Variants in GALNT5 observed in about 807,000 individuals in gnomAD.
GALNT5 encodes polypeptide N-acetylgalactosaminyltransferase 5.
Under a neutral mutation model 85.4 loss-of-function variants are expected in GALNT5, and 72 were observed. The observed-to-expected ratio is 0.84, with a 90% confidence interval of 0.70 to 1.03. The LOEUF is 1.03. Among genes scored for constraint, GALNT5 ranks in the 50% least tolerant of loss-of-function variants. GALNT5 has a pLI of 0.00. For missense variants in GALNT5, 1,137 were observed against 1,135.5 expected, an observed-to-expected ratio of 1.00 and a Z score of -0.02; for synonymous variants, 404 against 397.0, an observed-to-expected ratio of 1.02 and a Z score of -0.21.
In GALNT5 at chr2:157,311,631, G is replaced by GTAAC; in HGVS notation, c.*285_*288dup. On this transcript the variant is annotated 3_prime_UTR_variant, in exon 10 of 10. Coordinates refer to ENST00000259056, the MANE Select transcript of GALNT5 (RefSeq NM_014568.3). ...CAAATTTCCCTGTGAAAGCTAACAG[G>GTAAC]TAACTGGAAATGAAGACAGAAGGAC... 1 of 236,350 alleles carries GTAAC rather than the reference G, an allele frequency of 4.2e-6. No homozygotes were observed. 14.6% of individuals were successfully genotyped at this position (236,350 alleles called of 1,614,324 possible). A position where few individuals can be genotyped will look rare whatever the true frequency, so the allele number is the denominator to read the frequency against.
rs16841437 is a variant in GALNT5, at chr2:157,264,333, T to C, written c.1454+4797T>C. 2.2e-3 allele frequency among the ~76,000 whole-genome samples: 338 copies of C among 152,330 alleles called. 1 individual carries two copies. Among genetic ancestry groups the C allele is most frequent in the African/African-American group, 7.7e-3 (319 of 41,572 alleles). ...GAACTTATTTTAAGAGTGCACTTCC[T>C]GAATCTGAATTTAGAGAAAAATGAC... On this transcript the variant is annotated intron_variant, in intron 1 of 9. Transcript: ENST00000259056.
At chr2:157,290,004 C>T (rs1256758589) in intron 3 of GALNT5, among the ~76,000 whole-genome samples, 8 of 150,182 alleles carry the variant, frequency 5.3e-5, no homozygotes, top group Admixed American at 2.7e-4. Flanking sequence ...ACCCGGGAGG[C>T]GGAGGTTGCA....
chr2:157,283,550 C>T (rs928126816), intron 1 of GALNT5, among the ~76,000 whole-genome samples: 20 of 152,194 alleles, frequency 1.3e-4, no homozygotes, highest in Admixed American at 9.8e-4. Flanking sequence ...AAGGAAGCCC[C>T]GGATACGGAA....
In GALNT5 at chr2:157,315,156, A is replaced by G. The variant is rs899656428; in HGVS notation, c.*3808A>G. ...TAAAACAAAAAAATGACATTGGGTGATGGGAAAAAAGAAAGGAACTAATTA... is the reference window on the plus strand; with the variant it reads ...TAAAACAAAAAAATGACATTGGGTGGTGGGAAAAAAGAAAGGAACTAATTA... On this transcript the variant is annotated 3_prime_UTR_variant, in exon 10 of 10. Transcript: ENST00000259056. 1.3e-5 allele frequency among the ~76,000 whole-genome samples: 2 copies of G among 152,178 alleles called. No homozygotes were observed. The highest frequency in any genetic ancestry group is 4.8e-5 in the African/African-American group (2 of 41,440).
chr2:157,266,418 G>A (rs1030003643), intron 1 of GALNT5, among the ~76,000 whole-genome samples: 1 of 152,068 alleles, frequency 6.6e-6, no homozygotes, highest in Non-Finnish European at 1.5e-5. Flanking sequence ...CTCTCCCCAC[G>A]TAGTGACCAT....
chr2:157,311,118 C>A, intron 9 of GALNT5, 90 bp from the exon 10 acceptor site: 1 of 966,164 alleles, frequency 1.0e-6, no homozygotes, highest in Admixed American at 2.2e-5. Context: ...ATATAACTGC[C>A]TGTCCATTTT....
At chr2:157,294,661 T>C (rs1683170908) in intron 3 of GALNT5, among the ~76,000 whole-genome samples, 1 of 152,154 alleles carries the variant, frequency 6.6e-6, no homozygotes, top group South Asian at 2.1e-4. Context: ...GTTTCCCCCA[T>C]GAGCCCCAGT....
chr2:157,287,300 G>C (rs1034548680), intron 3 of GALNT5, among the ~76,000 whole-genome samples: 1 of 151,994 alleles, frequency 6.6e-6, no homozygotes, highest in African/African-American at 2.4e-5. Flanking sequence ...ATTACACTGA[G>C]GACTGAAAAT....
chr2:157,296,250 T>C (rs1683211310), intron 4 of GALNT5, 144 bp from the exon 5 acceptor site: 2 of 586,378 alleles, frequency 3.4e-6, no homozygotes, highest in Admixed American at 6.1e-5. Flanking sequence ...TAAACATTCT[T>C]GAACTATTAT....
chr2:157,291,042 G>A (rs1286021671), intron 3 of GALNT5, among the ~76,000 whole-genome samples: 1 of 152,126 alleles, frequency 6.6e-6, no homozygotes, highest in Non-Finnish European at 1.5e-5. Flanking sequence ...TGACAGGTAG[G>A]CCGGGGCAAT....
At chr2:157,309,484 GGTGTA>G (rs1683523902) in intron 9 of GALNT5, among the ~76,000 whole-genome samples, 1 of 152,168 alleles carries the variant, frequency 6.6e-6, no homozygotes, top group Non-Finnish European at 1.5e-5. Context: ...CATAAGCCTT[GGTGTA>G]GGAGCTTGGG....
At chr2:157,268,621 C>T (rs1360684665) in intron 1 of GALNT5, among the ~76,000 whole-genome samples, 1 of 152,174 alleles carries the variant, frequency 6.6e-6, no homozygotes, top group Non-Finnish European at 1.5e-5. Flanking sequence ...CCAATAAATG[C>T]TAGAATGAAC....
In GALNT5 at chr2:157,300,964, G is replaced by A; in HGVS notation, c.2404G>A (p.Asp802Asn). Residue 802 changes from aspartate (D) to asparagine (N), a missense_variant, in exon 7 of 10, where the codon GAC becomes AAC. Physicochemically the swap from Asp to Asn is conservative, Grantham distance 23. Coordinates refer to ENST00000259056, the MANE Select transcript of GALNT5 (RefSeq NM_014568.3). ...FKWYLENVFP[D>N]LRAPIVRASG... ...ATGGTACTTGGAGAATGTCTTTCCT[G>A]ACTTAAGGGCTCCCATTGTGAGAGC... is the stretch of plus-strand genomic sequence containing the variant. 1 of 1,613,950 alleles carries A rather than the reference G, an allele frequency of 6.2e-7. No homozygotes were observed. The highest frequency in any genetic ancestry group is 8.5e-7 in the Non-Finnish European group (1 of 1,179,926).
chr2:157,259,888 G>A (rs1340065791), intron 1 of GALNT5, among the ~76,000 whole-genome samples: 1 of 152,174 alleles, frequency 6.6e-6, no homozygotes, highest in Non-Finnish European at 1.5e-5. Context: ...ACAATGAAGT[G>A]AATTCCCAAT....
chr2:157,302,809 CAAGTATTTT>C, intron 7 of GALNT5, among the ~76,000 whole-genome samples: 1 of 152,260 alleles, frequency 6.6e-6, no homozygotes, highest in Admixed American at 6.5e-5. Context: ...CAAAATGCAC[CAAGTATTTT>C]AAAAAGTGAT....
rs2105140367 is a variant in GALNT5 at position 157,259,503 on chromosome 2, T to C, written c.1421T>C (p.Val474Ala). Residue 474 changes from valine (V) to alanine (A), a missense_variant, in exon 1 of 10, where the codon GTG becomes GCG. Coordinates refer to ENST00000259056, the MANE Select transcript of GALNT5 (RefSeq NM_014568.3). ...GTCTACCTTAGCGATTTGATCCCAG[T>C]GGATAGAGCCATTGAAGACACCAGA... Reference protein sequence around the residue: ...FNVYLSDLIPVDRAIEDTRPA... With the variant: ...FNVYLSDLIPADRAIEDTRPA... 1 of 1,404,568 alleles carries C rather than the reference T, an allele frequency of 7.1e-7. No homozygotes were observed. The highest frequency in any genetic ancestry group is 2.5e-5 in the East Asian group (1 of 40,342). The allele number at this position is 1,404,568 out of a possible 1,614,324, so 87.0% of individuals were successfully genotyped here.
rs568760948 is a variant in GALNT5 at position 157,303,614 on chromosome 2, C to CT, written c.2440-2133dup. Among the ~76,000 whole-genome samples, 976 of 152,180 alleles carry CT rather than the reference C, an allele frequency of 6.4e-3. 7 individuals are homozygous for CT. The highest frequency in any genetic ancestry group is 0.022 in the African/African-American group (933 of 41,500). ...AATGAAGAATAACAATTCCAAAACACTTCAGAGATGATGTCTATATGAAGA... is the reference window on the plus strand; with the variant it reads ...AATGAAGAATAACAATTCCAAAACACTTTCAGAGATGATGTCTATATGAAGA... On this transcript the variant is annotated intron_variant, in intron 7 of 9. Coordinates refer to ENST00000259056, the MANE Select transcript of GALNT5 (RefSeq NM_014568.3).
rs1177701301 is a variant in GALNT5, at chr2:157,315,339, A to G, written c.*3991A>G. 6.6e-6 allele frequency among the ~76,000 whole-genome samples: 1 copy of G among 152,188 alleles called. No homozygotes were observed. Among genetic ancestry groups the G allele is most frequent in the Non-Finnish European group, 1.5e-5 (1 of 68,032 alleles). On this transcript the variant is annotated 3_prime_UTR_variant, in exon 10 of 10. Coordinates refer to ENST00000259056, the MANE Select transcript of GALNT5 (RefSeq NM_014568.3). Reference sequence around the variant, plus strand: ...GGAATTTGGTAAATTGCCCAAGGTCATCCCACAAGTAAGAGATAAAACCCA... The same window carrying G: ...GGAATTTGGTAAATTGCCCAAGGTCGTCCCACAAGTAAGAGATAAAACCCA...
At chr2:157,277,903 T>C (rs1350921367) in intron 1 of GALNT5, among the ~76,000 whole-genome samples, 4 of 152,228 alleles carry the variant, frequency 2.6e-5, no homozygotes, top group Non-Finnish European at 5.9e-5. Flanking sequence ...ATTGATGCAG[T>C]TTCTTCATAG....
Sources: gnomAD v4.1 joint callset for allele counts (sites outside exome capture counted in the v4.1 genomes callset) on GRCh38, gnomAD v4.1.1 for gene constraint, MANE v1.5 for transcripts, NCBI Gene and HGNC (gene_info 2026-07-23, HGNC 2026-07-21) for gene names.